Variants in ABCA9 observed in about 807,000 individuals in gnomAD.
ABCA9 encodes ATP-binding cassette sub-family A member 9.
ABCA9 carries 183 observed loss-of-function variants against 205.3 expected under a neutral mutation model. That is an observed-to-expected ratio of 0.89 (90% CI 0.79 to 1.01). The LOEUF (loss-of-function observed/expected upper bound fraction) is 1.01. Among genes scored for constraint, ABCA9 ranks in the 50% least tolerant of loss-of-function variants. The pLI, the probability that ABCA9 is intolerant of heterozygous loss-of-function variation, is 0.00. For missense variants in ABCA9, 1,805 were observed against 1,912.4 expected, an observed-to-expected ratio of 0.94 and a Z score of 1.05; for synonymous variants, 651 against 683.3, an observed-to-expected ratio of 0.95 and a Z score of 0.74.
At chr17:68,999,138 T>C (rs2069740596) in intron 25 of ABCA9, among the ~76,000 whole-genome samples, 2 of 151,520 alleles carry the variant, frequency 1.3e-5, no homozygotes, top group African/African-American at 4.8e-5. Flanking sequence ...TTATTATTAT[T>C]ATTATACTTT....
Position 68,993,011 on chromosome 17 carries a change from C to G in ABCA9, c.3624+5G>C. ...CAAGAATGTTGAAAAAAAAAGTCTTCTTACTATTAGCAGTGCCAGGTATAC... is the reference window on the plus strand; with the variant it reads ...CAAGAATGTTGAAAAAAAAAGTCTTGTTACTATTAGCAGTGCCAGGTATAC... On this transcript the variant is annotated splice_donor_5th_base_variant and intron_variant, in intron 27 of 38. Coordinates refer to ENST00000340001, the MANE Select transcript of ABCA9 (RefSeq NM_080283.4). 6.2e-7 allele frequency: 1 copy of G among 1,607,618 alleles called. No individual in the cohort carries two copies. Among genetic ancestry groups the G allele is most frequent in the Non-Finnish European group, 8.5e-7 (1 of 1,176,128 alleles).
At chr17:68,985,702 G>A (rs2069209396) in intron 32 of ABCA9, among the ~76,000 whole-genome samples, 1 of 152,128 alleles carries the variant, frequency 6.6e-6, no homozygotes, top group South Asian at 2.1e-4. Flanking sequence ...GCTCACACCT[G>A]TAATCCCAGC....
chr17:69,008,626 G>A (rs2070254913), intron 23 of ABCA9, among the ~76,000 whole-genome samples: 2 of 152,210 alleles, frequency 1.3e-5, no homozygotes. Context: ...TATGCTGAAT[G>A]TAAACAGTGC....
chr17:69,003,987 C>G (rs1206043885), intron 25 of ABCA9, among the ~76,000 whole-genome samples: 3 of 152,164 alleles, frequency 2.0e-5, no homozygotes, highest in Non-Finnish European at 4.4e-5. Flanking sequence ...TTAAGCACTT[C>G]TCTGTATTCG....
intron 6 of ABCA9, 130 bp from the exon 7 acceptor site, chr17:69,035,931 C>T (rs2071322621): frequency 1.8e-6 from 2 of 1,091,984 alleles, no homozygotes; most frequent in African/African-American, 1.6e-5. Flanking sequence ...CAATAGCTAA[C>T]TTATCTCCTA....
chr17:68,976,016 A>G lies in ABCA9; in HGVS notation c.4777-3T>C, dbSNP rs117692831. On this transcript the variant is annotated splice_region_variant and splice_polypyrimidine_tract_variant and intron_variant, in intron 38 of 38. Transcript: ENST00000340001. ...TCCTTGGAGAGCTCCAGGAAAACCTAAAAGGAAGGAAAGAAATAAAGAGAG... is the reference window on the plus strand; with the variant it reads ...TCCTTGGAGAGCTCCAGGAAAACCTGAAAGGAAGGAAAGAAATAAAGAGAG... 1.1e-3 allele frequency: 1,739 copies of G among 1,613,424 alleles called. 3 individuals carry two copies. Among genetic ancestry groups the G allele is most frequent in the Non-Finnish European group, 1.3e-3 (1,536 of 1,179,572 alleles).
intron 1 of ABCA9, among the ~76,000 whole-genome samples, chr17:69,057,649 T>G (rs753448898): frequency 6.6e-6 from 1 of 152,250 alleles, no homozygotes; most frequent in Non-Finnish European, 1.5e-5. Flanking sequence ...ACTTCAGATA[T>G]GACAGTTTCA....
chr17:69,038,300 T>C (rs760957027), intron 6 of ABCA9, among the ~76,000 whole-genome samples: 5 of 152,166 alleles, frequency 3.3e-5, no homozygotes, highest in Non-Finnish European at 5.9e-5. Context: ...CTGATGAACA[T>C]TGATGCAAAA....
At chr17:69,007,982 C>A (rs1230843640) in intron 24 of ABCA9, 80 bp downstream of exon 24, 35 of 1,472,164 alleles carry the variant, frequency 2.4e-5, no homozygotes, top group Non-Finnish European at 3.1e-5. Context: ...ATTTGAAGTT[C>A]TTTGGTTTAA....
rs1235088730 is a variant in ABCA9, at chr17:68,985,207, C to T, written c.4209-79G>A. ...GAGAATGAGCAAATCAGGAGAAACA[C>T]GACGGTGGGGGAGGTGTTTATGAGT... is the stretch of plus-strand genomic sequence containing the variant. On this transcript the variant is annotated intron_variant, in intron 32 of 38. Coordinates refer to ENST00000340001, the MANE Select transcript of ABCA9 (RefSeq NM_080283.4). The T allele has an allele frequency of 2.5e-5, 39 of 1,589,056 alleles. No homozygotes were observed. The South Asian group carries it at 2.9e-4, about 12-fold the overall frequency.
intron 1 of ABCA9, among the ~76,000 whole-genome samples, chr17:69,060,318 T>G (rs141260627): frequency 1.3e-5 from 2 of 152,224 alleles, no homozygotes; most frequent in South Asian, 2.1e-4. Context: ...TTCCTGTTAT[T>G]CACAGAACAA....
intron 26 of ABCA9, among the ~76,000 whole-genome samples, chr17:68,995,672 C>G (rs1351553569): frequency 7.3e-6 from 1 of 136,612 alleles, no homozygotes; most frequent in Non-Finnish European, 1.6e-5. Context: ...AACTAAACTT[C>G]CACTCTCCTG....
intron 25 of ABCA9, among the ~76,000 whole-genome samples, chr17:69,006,277 C>A (rs1025465971): frequency 1.3e-5 from 2 of 152,102 alleles, no homozygotes; most frequent in African/African-American, 4.8e-5. Flanking sequence ...CTAGTAATTC[C>A]ACTGCTAGGT....
At position 68,999,121 on chromosome 17, in the gene ABCA9, TTTA is replaced by T. The variant is rs527773332; in HGVS notation, c.3436-3110_3436-3108del. ...TTCTTGGCTGATATTGGTTTATCTTTTTATTATTATTATTATTATTATACTTTA... is the reference window on the plus strand; with the variant it reads ...TTCTTGGCTGATATTGGTTTATCTTTTTATTATTATTATTATTATACTTTA... On this transcript the variant is annotated intron_variant, in intron 25 of 38. Transcript: ENST00000340001. 7.9e-4 allele frequency among the ~76,000 whole-genome samples: 117 copies of T among 148,278 alleles called. 1 individual carries two copies. Among genetic ancestry groups the T allele is most frequent in the South Asian group, 1.7e-3 (8 of 4,794 alleles).
At chr17:68,994,351 G>GAAC (rs1342417372) in intron 26 of ABCA9, among the ~76,000 whole-genome samples, 1 of 151,950 alleles carries the variant, frequency 6.6e-6, no homozygotes, top group Non-Finnish European at 1.5e-5. Context: ...TTTTTATATA[G>GAAC]AACTACTGCT....
At chr17:69,026,862 C>A (rs903266664) in intron 15 of ABCA9, 114 bp downstream of exon 15, 25 of 1,313,316 alleles carry the variant, frequency 1.9e-5, no homozygotes, top group Non-Finnish European at 2.4e-5. Flanking sequence ...GAGCAAAATT[C>A]TCCTGTCTTG....
chr17:69,050,191 A>C (rs1014087499), intron 2 of ABCA9, among the ~76,000 whole-genome samples: 3 of 152,036 alleles, frequency 2.0e-5, no homozygotes, highest in Admixed American at 6.6e-5. Flanking sequence ...AAAGAGCTAA[A>C]AGTTTAAAGG....
chr17:69,056,261 C>T (rs2072066397), intron 1 of ABCA9, among the ~76,000 whole-genome samples: 2 of 151,840 alleles, frequency 1.3e-5, no homozygotes, highest in East Asian at 1.9e-4. Context: ...ATCAATAGGC[C>T]TCTACCAAGA....
intron 16 of ABCA9, among the ~76,000 whole-genome samples, chr17:69,025,996 A>T (rs570883808): frequency 6.6e-6 from 1 of 152,102 alleles, no homozygotes. Flanking sequence ...GAAAAAAACC[A>T]CAAAAGGATG....
Sources: allele counts gnomAD v4.1 joint callset (sites outside exome capture counted in the v4.1 genomes callset), GRCh38; gene constraint gnomAD v4.1.1; transcripts MANE v1.5; gene names NCBI Gene and HGNC (gene_info 2026-07-23, HGNC 2026-07-21).